CPA6: variants seen among roughly 807,000 people sequenced by gnomAD.
CPA6 encodes the protein carboxypeptidase A6.
In CPA6, 58 loss-of-function variants were observed where a neutral mutation model predicts 63.3. That is an observed-to-expected ratio of 0.92 (90% CI 0.74 to 1.14). The LOEUF (loss-of-function observed/expected upper bound fraction) is 1.14. CPA6 is among the 50% of genes most tolerant of loss of function. The pLI, the probability that CPA6 is intolerant of heterozygous loss-of-function variation, is 0.00. For synonymous variants in CPA6, 185 were observed against 179.0 expected, an observed-to-expected ratio of 1.03 and a Z score of -0.27; for missense variants, 565 against 526.6, an observed-to-expected ratio of 1.07 and a Z score of -0.71.
At chr8:67,614,268 G>A (rs1814885850) in intron 2 of CPA6, among the ~76,000 whole-genome samples, 2 of 152,234 alleles carry the variant, frequency 1.3e-5, no homozygotes, top group African/African-American at 4.8e-5. Context: ...TGGGGTTTGA[G>A]CAGTGGGGTG....
At chr8:67,567,373 G>T (rs539850325) in intron 2 of CPA6, among the ~76,000 whole-genome samples, 65 of 152,264 alleles carry the variant, frequency 4.3e-4, no homozygotes, top group African/African-American at 1.4e-3. Context: ...ACTTTGTATT[G>T]AGCTACATAA....
intron 1 of CPA6, among the ~76,000 whole-genome samples, chr8:67,705,270 T>C (rs1817110317): frequency 6.6e-6 from 1 of 152,184 alleles, no homozygotes; most frequent in African/African-American, 2.4e-5. Flanking sequence ...CCACCCCCGA[T>C]GGCCTTGAGC....
At chr8:67,564,770 A>G (rs1274558739) in intron 2 of CPA6, among the ~76,000 whole-genome samples, 1 of 152,214 alleles carries the variant, frequency 6.6e-6, no homozygotes, top group Non-Finnish European at 1.5e-5. Context: ...AGGGATTAAT[A>G]TTGCTGATAG....
At chr8:67,709,597 GC>G (rs1484034646) in intron 1 of CPA6, among the ~76,000 whole-genome samples, 5 of 152,176 alleles carry the variant, frequency 3.3e-5, no homozygotes, top group Admixed American at 2.6e-4. Flanking sequence ...TTGATTCTGA[GC>G]CATTGTGAGT....
chr8:67,665,403 G>A (rs1211359225), intron 1 of CPA6, among the ~76,000 whole-genome samples: 2 of 152,120 alleles, frequency 1.3e-5, no homozygotes, highest in Non-Finnish European at 2.9e-5. Flanking sequence ...AACAGAATGG[G>A]AAAATGGCAC....
chr8:67,571,083 G>A (rs1292990889), intron 2 of CPA6, among the ~76,000 whole-genome samples: 1 of 152,102 alleles, frequency 6.6e-6, no homozygotes, highest in African/African-American at 2.4e-5. Flanking sequence ...ATTTTAAGTA[G>A]AAAATTATAC....
intron 2 of CPA6, among the ~76,000 whole-genome samples, chr8:67,571,984 G>T (rs529619388): frequency 6.6e-6 from 1 of 151,846 alleles, no homozygotes; most frequent in Non-Finnish European, 1.5e-5. Flanking sequence ...AATCAGAAAC[G>T]AAAGTGGAAA....
At chr8:67,425,198 G>A (rs1216518670) in intron 10 of CPA6, among the ~76,000 whole-genome samples, 6 of 152,058 alleles carry the variant, frequency 3.9e-5, no homozygotes, top group Non-Finnish European at 7.4e-5. Context: ...TTCATTAAAT[G>A]AATAAATGTT....
At chr8:67,716,526 T>A (rs1055934846) in intron 1 of CPA6, among the ~76,000 whole-genome samples, 7 of 152,004 alleles carry the variant, frequency 4.6e-5, no homozygotes, top group African/African-American at 1.7e-4. Flanking sequence ...AATAATCTCT[T>A]ATGCCTCAGT....
intron 1 of CPA6, among the ~76,000 whole-genome samples, chr8:67,692,363 T>A (rs922182980): frequency 6.7e-6 from 1 of 149,624 alleles, no homozygotes; most frequent in Non-Finnish European, 1.5e-5. Flanking sequence ...AACAAGAGAT[T>A]GGTAAAACTT....
chr8:67,637,707 C>T lies in CPA6; in HGVS notation c.117-13456G>A, dbSNP rs895631682. On this transcript the variant is annotated intron_variant, in intron 1 of 10. Coordinates refer to ENST00000297770, the MANE Select transcript of CPA6 (RefSeq NM_020361.5). ...ACAATACCTTATTATTATAAGGTAA[C>T]GTGGCAACTGTTTCATAAACTACAT... Among the ~76,000 whole-genome samples, 5 of 151,284 alleles carry T rather than the reference C, an allele frequency of 3.3e-5. No individual in the cohort carries two copies. The South Asian group carries it at 6.2e-4, about 19-fold the overall frequency.
At chr8:67,518,891 T>G (rs1053699617) in intron 2 of CPA6, among the ~76,000 whole-genome samples, 1 of 152,136 alleles carries the variant, frequency 6.6e-6, no homozygotes, top group African/African-American at 2.4e-5. Context: ...CACTTGTCAA[T>G]ATAAACATCC....
chr8:67,679,711 C>A (rs1042475856), intron 1 of CPA6, among the ~76,000 whole-genome samples: 5 of 152,138 alleles, frequency 3.3e-5, no homozygotes, highest in African/African-American at 1.2e-4. Flanking sequence ...GCCACAACAC[C>A]CTCACCAAGT....
intron 1 of CPA6, among the ~76,000 whole-genome samples, chr8:67,669,943 T>A (rs1816307214): frequency 6.6e-6 from 1 of 152,184 alleles, no homozygotes; most frequent in Non-Finnish European, 1.5e-5. Flanking sequence ...ATCAGCCTTG[T>A]GTTCAGTTAG....
chr8:67,435,378 C>A (rs1360861945), intron 8 of CPA6, among the ~76,000 whole-genome samples: 1 of 152,064 alleles, frequency 6.6e-6, no homozygotes, highest in East Asian at 1.9e-4. Flanking sequence ...TCCCTCCCCC[C>A]AGCGCAGGGG....
intron 8 of CPA6, among the ~76,000 whole-genome samples, chr8:67,471,106 T>C (rs1811047338): frequency 6.6e-6 from 1 of 152,050 alleles, no homozygotes; most frequent in African/African-American, 2.4e-5. Flanking sequence ...CCTCTCTCTC[T>C]TCCTCCCTCA....
At chr8:67,629,576 CAAGT>C (rs1192354666) in intron 1 of CPA6, among the ~76,000 whole-genome samples, 2 of 150,334 alleles carry the variant, frequency 1.3e-5, no homozygotes, top group Middle Eastern at 3.2e-3. Context: ...TTAATAAAGA[CAAGT>C]AAGATTATGT....
At chr8:67,652,077 C>A (rs1815855198) in intron 1 of CPA6, among the ~76,000 whole-genome samples, 1 of 152,120 alleles carries the variant, frequency 6.6e-6, no homozygotes, top group Non-Finnish European at 1.5e-5. Context: ...ATGAACTCAT[C>A]ATTTTTTATG....
intron 6 of CPA6, among the ~76,000 whole-genome samples, chr8:67,496,464 A>G (rs1192365494): frequency 6.9e-6 from 1 of 143,946 alleles, no homozygotes; most frequent in Non-Finnish European, 1.5e-5. Context: ...ATAGTGTGCA[A>G]TTTACTGTGT....
Sources: gnomAD v4.1 joint callset for allele counts (sites outside exome capture counted in the v4.1 genomes callset) on GRCh38, gnomAD v4.1.1 for gene constraint, MANE v1.5 for transcripts, NCBI Gene and HGNC (gene_info 2026-07-23, HGNC 2026-07-21) for gene names.